KDM5A: variants seen among roughly 807,000 people sequenced by gnomAD.
The protein encoded by KDM5A is lysine demethylase 5A.
A neutral mutation model predicts 193.5 loss-of-function variants in KDM5A; 42 were observed. The ratio of observed to expected loss-of-function variants is 0.22; its 90% confidence interval spans 0.17 to 0.28. KDM5A has a LOEUF of 0.28. KDM5A is among the 10% of genes least tolerant of loss of function. KDM5A has a pLI of 1.00. For missense variants in KDM5A, 1,692 were observed against 2,055.1 expected, an observed-to-expected ratio of 0.82 and a Z score of 3.42; for synonymous variants, 796 against 718.1, an observed-to-expected ratio of 1.11 and a Z score of -1.73.
At chr12:388,326 A>C (rs1351116614) in intron 1 of KDM5A, 2 of 455,646 alleles carry the variant, frequency 4.4e-6, no homozygotes, top group Non-Finnish European at 8.8e-6. Flanking sequence ...TCCCTACGTC[A>C]AGAGATTTCA....
In KDM5A at chr12:380,820, A is replaced by C. The variant is rs577244504; in HGVS notation, c.366+3211T>G. On this transcript the variant is annotated intron_variant, in intron 3 of 27. Coordinates refer to ENST00000399788, the MANE Select transcript of KDM5A (RefSeq NM_001042603.3). ...AAAAAAAAATTTTTTTTTCAGACAC[A>C]GTTTCACTCTTGTTGCCCAGGCTGG... is the stretch of plus-strand genomic sequence containing the variant. 7.8e-4 allele frequency among the ~76,000 whole-genome samples: 118 copies of C among 152,144 alleles called. 1 individual carries two copies. The highest frequency in any genetic ancestry group is 3.7e-3 in the South Asian group (18 of 4,820).
At chr12:334,535 G>T in intron 10 of KDM5A, 113 bp from the exon 11 acceptor site, 1 of 753,820 alleles carries the variant, frequency 1.3e-6, no homozygotes, top group Non-Finnish European at 2.3e-6. Context: ...ATAGTCTAGT[G>T]CATACAATCT....
At chr12:349,603 C>A (rs999756149) in intron 10 of KDM5A, among the ~76,000 whole-genome samples, 1 of 152,070 alleles carries the variant, frequency 6.6e-6, no homozygotes, top group Non-Finnish European at 1.5e-5. Flanking sequence ...GCTGGGATTA[C>A]AGGCGTGAGC....
At chr12:296,020 T>TA (rs1943366813) in intron 25 of KDM5A, among the ~76,000 whole-genome samples, 1 of 152,014 alleles carries the variant, frequency 6.6e-6, no homozygotes, top group Non-Finnish European at 1.5e-5. Flanking sequence ...GGGTTATTAA[T>TA]AAAAAACAGT....
intron 14 of KDM5A, among the ~76,000 whole-genome samples, chr12:325,378 C>G (rs905882262): frequency 2.6e-5 from 4 of 152,188 alleles, no homozygotes; most frequent in Admixed American, 1.3e-4. Flanking sequence ...AAAAGACACT[C>G]TGGAAAAAAT....
At chr12:313,413 T>C (rs1455891538) in intron 19 of KDM5A, among the ~76,000 whole-genome samples, 1 of 152,106 alleles carries the variant, frequency 6.6e-6, no homozygotes, top group East Asian at 1.9e-4. Context: ...TAAAATAAAA[T>C]ATAAATTTTT....
intron 3 of KDM5A, among the ~76,000 whole-genome samples, chr12:374,936 G>A (rs1007731545): frequency 3.9e-5 from 6 of 152,014 alleles, no homozygotes; most frequent in East Asian, 1.9e-4. Flanking sequence ...AGTTTCTGCC[G>A]AGAGATCCGC....
intron 14 of KDM5A, among the ~76,000 whole-genome samples, chr12:326,744 C>G (rs1472635283): frequency 2.0e-5 from 3 of 151,730 alleles, no homozygotes; most frequent in African/African-American, 7.3e-5. Context: ...GCCTGTAGTC[C>G]CAGCTACTCG....
Position 388,450 on chromosome 12 carries a change from T to C in KDM5A, c.165+477A>G, listed in dbSNP as rs1337366925. ...ACTTTTTCACTGCGGCAATAATTAGTCTGGAGTTCTTGTCTAGTAATACCA... is the reference window on the plus strand; with the variant it reads ...ACTTTTTCACTGCGGCAATAATTAGCCTGGAGTTCTTGTCTAGTAATACCA... On this transcript the variant is annotated intron_variant, in intron 1 of 27. Transcript: ENST00000399788. 2.6e-5 allele frequency: 10 copies of C among 392,028 alleles called. No individual in the cohort carries two copies. The Admixed American group carries it at 3.1e-4, about 12-fold the overall frequency. 24.3% of individuals were successfully genotyped at this position (392,028 alleles called of 1,614,324 possible).
At chr12:385,783 A>G (rs1944631198) in intron 2 of KDM5A, 114 bp downstream of exon 2, 2 of 802,064 alleles carry the variant, frequency 2.5e-6, no homozygotes, top group Admixed American at 1.8e-5. Context: ...TATTCCATTC[A>G]ATACCAATTA....
intron 3 of KDM5A, among the ~76,000 whole-genome samples, chr12:382,596 T>A (rs1419981143): frequency 6.6e-6 from 1 of 152,054 alleles, no homozygotes; most frequent in Non-Finnish European, 1.5e-5. Flanking sequence ...AATTCCCAGA[T>A]AATTAAGCAA....
chr12:283,487 A>G lies in KDM5A; in HGVS notation c.*1969T>C, dbSNP rs1230225575. 1 of 233,022 alleles carries G rather than the reference A, an allele frequency of 4.3e-6. No homozygotes were observed. Among genetic ancestry groups the G allele is most frequent in the Non-Finnish European group, 8.5e-6 (1 of 117,714 alleles). The allele number at this position is 233,022 out of a possible 1,614,324, so 14.4% of individuals were successfully genotyped here. ...TTATACAGTATTAAGAATGAATAAA[A>G]AGTAGGTAGTATGAACTTCAGAGAA... On this transcript the variant is annotated 3_prime_UTR_variant, in exon 28 of 28. Coordinates refer to ENST00000399788, the MANE Select transcript of KDM5A (RefSeq NM_001042603.3).
chr12:346,773 A>G (rs922126804), intron 10 of KDM5A, among the ~76,000 whole-genome samples: 8 of 152,218 alleles, frequency 5.3e-5, no homozygotes, highest in African/African-American at 1.7e-4. Context: ...TCTCAAAATA[A>G]TAAGAGCTAT....
At chr12:290,510 C>T (rs1943279487) in intron 27 of KDM5A, among the ~76,000 whole-genome samples, 1 of 152,232 alleles carries the variant, frequency 6.6e-6, no homozygotes, top group East Asian at 1.9e-4. Context: ...TAGATGATAA[C>T]TCTAGATTTT....
intron 10 of KDM5A, among the ~76,000 whole-genome samples, chr12:341,157 G>C (rs2300132): frequency 0.018 from 2,723 of 152,124 alleles, 121 homozygotes; most frequent in South Asian, 0.17. Context: ...AGAAAATTCA[G>C]AAAAAGGCAA....
chr12:320,155 G>A (rs1943698591), intron 18 of KDM5A, among the ~76,000 whole-genome samples: 1 of 152,192 alleles, frequency 6.6e-6, no homozygotes, highest in African/African-American at 2.4e-5. Context: ...AATGGAGTAA[G>A]ACAAGAACAC....
chr12:350,293 G>A (rs775538393), intron 10 of KDM5A, among the ~76,000 whole-genome samples: 15 of 151,658 alleles, frequency 9.9e-5, no homozygotes, highest in Non-Finnish European at 1.3e-4. Flanking sequence ...AAAATTAGCC[G>A]GGCATAATAG....
chr12:322,093 C>G (rs1452063341), intron 17 of KDM5A, among the ~76,000 whole-genome samples: 1 of 152,082 alleles, frequency 6.6e-6, no homozygotes, highest in African/African-American at 2.4e-5. Context: ...CATTTGAAAA[C>G]AAAGGCTTCA....
chr12:368,861 CAAATA>C (rs1268590222), intron 3 of KDM5A, among the ~76,000 whole-genome samples: 2 of 152,046 alleles, frequency 1.3e-5, no homozygotes, highest in Admixed American at 6.6e-5. Flanking sequence ...ACTGTGAGGA[CAAATA>C]AAATAAAATA....
Sources: allele counts gnomAD v4.1 joint callset (sites outside exome capture counted in the v4.1 genomes callset), GRCh38; gene constraint gnomAD v4.1.1; transcripts MANE v1.5; gene names NCBI Gene and HGNC (gene_info 2026-07-23, HGNC 2026-07-21).